The following DAB1 variants were observed in gnomAD, a reference collection of about 807,000 sequenced individuals.
The protein encoded by DAB1 is DAB adaptor protein 1, also known as disabled homolog 1.
A neutral mutation model predicts 64.6 loss-of-function variants in DAB1; 15 were observed. The observed-to-expected ratio is 0.23, with a 90% CI of 0.16 to 0.36. DAB1 has a LOEUF of 0.36. Ranked by LOEUF, DAB1 falls within the 10% of genes least tolerant of loss-of-function variation. DAB1 has a pLI of 1.00. For synonymous variants in DAB1, 235 were observed against 251.9 expected (o/e 0.93, Z 0.64); for missense variants, 596 against 706.7 (o/e 0.84, Z 1.78).
At chr1:57,527,666 G>A (rs1644609372) in intron 7 of DAB1, among the ~76,000 whole-genome samples, 2 of 152,136 alleles carry the variant, frequency 1.3e-5, no homozygotes, top group Admixed American at 1.3e-4. Flanking sequence ...TTTGCACAGA[G>A]CACTGTGCTG....
intron 3 of DAB1, among the ~76,000 whole-genome samples, chr1:58,398,033 A>G (rs1644537450): frequency 6.6e-6 from 1 of 152,136 alleles, no homozygotes; most frequent in African/African-American, 2.4e-5. Context: ...TCTCTCGCCC[A>G]TAACACTTTC....
intron 3 of DAB1, among the ~76,000 whole-genome samples, chr1:58,443,662 T>C (rs1645036476): frequency 6.6e-6 from 1 of 152,210 alleles, no homozygotes; most frequent in African/African-American, 2.4e-5. Context: ...TCTGTACTAT[T>C]TTTGCAATCT....
At chr1:57,429,264 G>T (rs987529056) in intron 7 of DAB1, among the ~76,000 whole-genome samples, 1 of 152,016 alleles carries the variant, frequency 6.6e-6, no homozygotes, top group Non-Finnish European at 1.5e-5. Context: ...TTACATGCCT[G>T]CTGGCCATTT....
chr1:58,532,655 A>G (rs61781819), intron 1 of DAB1, among the ~76,000 whole-genome samples: 17,906 of 152,068 alleles, frequency 0.12, 1,251 homozygotes, highest in African/African-American at 0.18. Context: ...AGGCTCCAGA[A>G]CAGCTGGAAC....
At chr1:57,702,639 G>A (rs917429389) in intron 6 of DAB1, among the ~76,000 whole-genome samples, 2 of 152,126 alleles carry the variant, frequency 1.3e-5, no homozygotes, top group Non-Finnish European at 2.9e-5. Context: ...CCATGTTTTA[G>A]TCATTTCGGT....
intron 1 of DAB1, among the ~76,000 whole-genome samples, chr1:57,879,646 A>G (rs1407112082): frequency 6.6e-6 from 1 of 152,130 alleles, no homozygotes; most frequent in African/African-American, 2.4e-5. Context: ...TTCAGCACAC[A>G]GTAGGGTTTA....
chr1:57,114,404 T>G (rs904589588), intron 4 of DAB1, among the ~76,000 whole-genome samples: 1 of 152,096 alleles, frequency 6.6e-6, no homozygotes, highest in Non-Finnish European at 1.5e-5. Context: ...TCCTTGGAAA[T>G]GTATCAGTAT....
chr1:57,517,462 G>C (rs1009989230), intron 7 of DAB1, among the ~76,000 whole-genome samples: 1 of 152,154 alleles, frequency 6.6e-6, no homozygotes, highest in Non-Finnish European at 1.5e-5. Flanking sequence ...TATCATAAAT[G>C]TTTGCTGAAA....
At position 58,432,398 on chromosome 1, in the gene DAB1, G is replaced by C. The variant is rs77005151; in HGVS notation, n.257+73662C>G. ...AAGAAAAAAAATTTTTTTGACTCAT[G>C]ATTGTATCCCCAGCACCTGACACAA... On this transcript the variant is annotated intron_variant and non_coding_transcript_variant, in intron 3 of 20. Transcript: ENST00000485760. Among the ~76,000 whole-genome samples, 861 of 152,204 alleles carry C rather than the reference G, an allele frequency of 5.7e-3. 5 individuals are homozygous for C. Among genetic ancestry groups the C allele is most frequent in the Admixed American group, 9.0e-3 (137 of 15,292 alleles).
chr1:57,843,727 C>T (rs998470641), intron 1 of DAB1, among the ~76,000 whole-genome samples: 5 of 152,158 alleles, frequency 3.3e-5, no homozygotes, highest in Admixed American at 3.3e-4. Context: ...CTGGCTTTCC[C>T]CCATGCACAG....
At chr1:57,920,187 C>T (rs539166146) in intron 5 of DAB1, among the ~76,000 whole-genome samples, 1 of 152,244 alleles carries the variant, frequency 6.6e-6, no homozygotes, top group South Asian at 2.1e-4. Flanking sequence ...TAGTCTGACC[C>T]CCACTCTGGA....
chr1:57,532,444 A>T (rs530285848), intron 7 of DAB1, among the ~76,000 whole-genome samples: 30 of 151,982 alleles, frequency 2.0e-4, no homozygotes, highest in Non-Finnish European at 3.5e-4. Flanking sequence ...TTCACACTAT[A>T]CTCTAATTTG....
At chr1:58,049,332 C>T (rs1222729141) in intron 5 of DAB1, 11 of 637,342 alleles carry the variant, frequency 1.7e-5, no homozygotes, top group African/African-American at 3.6e-5. Flanking sequence ...GCTTCTTCGG[C>T]GGCATCCACG....
intron 4 of DAB1, among the ~76,000 whole-genome samples, chr1:57,087,151 C>T (rs1653167192): frequency 6.6e-6 from 1 of 152,202 alleles, no homozygotes; most frequent in Non-Finnish European, 1.5e-5. Context: ...TGAAAGCTTG[C>T]TGTGGGTTGC....
intron 5 of DAB1, among the ~76,000 whole-genome samples, chr1:58,036,628 G>T (rs539760746): frequency 6.6e-6 from 1 of 151,652 alleles, no homozygotes. Context: ...ATTTTTTTTC[G>T]AGAGTCTGTG....
chr1:57,460,084 C>T (rs989842765), intron 7 of DAB1, among the ~76,000 whole-genome samples: 2 of 152,150 alleles, frequency 1.3e-5, no homozygotes, highest in Non-Finnish European at 2.9e-5. Context: ...AAAGGCCCTC[C>T]TTCCAGAAAA....
chr1:57,277,320 A>G (rs1281983264), intron 2 of DAB1, among the ~76,000 whole-genome samples: 1 of 152,254 alleles, frequency 6.6e-6, no homozygotes, highest in East Asian at 1.9e-4. Context: ...ATATGAAAAT[A>G]AACTGAGAGT....
At chr1:58,219,025 C>CTCTCTCTG (rs376130413) in intron 4 of DAB1, among the ~76,000 whole-genome samples, 4,717 of 129,386 alleles carry the variant, frequency 0.036, 119 homozygotes, top group Admixed American at 0.061. Context: ...CTCTCTCTCT[C>CTCTCTCTG]TGTGTGTGTG....
At chr1:58,011,623 C>CA (rs1404892467) in intron 5 of DAB1, among the ~76,000 whole-genome samples, 1 of 152,006 alleles carries the variant, frequency 6.6e-6, no homozygotes, top group East Asian at 1.9e-4. Context: ...GGTAATCAAT[C>CA]AAAAAAACAC....
Sources: allele counts gnomAD v4.1 joint callset (sites outside exome capture counted in the v4.1 genomes callset), GRCh38; gene constraint gnomAD v4.1.1; transcripts MANE v1.5; gene names NCBI Gene and HGNC (gene_info 2026-07-23, HGNC 2026-07-21).